The following MCM9 variants were observed in gnomAD, a reference collection of about 807,000 sequenced individuals.
MCM9 encodes DNA helicase MCM9.
Under a neutral mutation model 72.8 loss-of-function variants are expected in MCM9, and 55 were observed. The ratio of observed to expected loss-of-function variants is 0.76; its 90% CI spans 0.61 to 0.95. The LOEUF (loss-of-function observed/expected upper bound fraction) is 0.95. MCM9 is among the 40% of genes least tolerant of loss of function. The pLI is 0.00. For synonymous variants in MCM9, 480 were observed against 503.4 expected (o/e 0.95, Z 0.62); for missense variants, 1,279 against 1,377.0 (o/e 0.93, Z 1.13).
chr6:118,873,785 A>G (rs1777765685), intron 8 of MCM9, among the ~76,000 whole-genome samples: 1 of 152,234 alleles, frequency 6.6e-6, no homozygotes, highest in African/African-American at 2.4e-5. Context: ...TATGAGGCCA[A>G]CATTACCTTA....
intron 5 of MCM9, 157 bp from the exon 6 acceptor site, chr6:118,917,918 C>G: frequency 1.6e-6 from 1 of 620,952 alleles, no homozygotes; most frequent in Non-Finnish European, 2.8e-6. Flanking sequence ...CAGAATAGCA[C>G]CCCAGATTCT....
rs144118241 is a variant in MCM9, at chr6:118,817,600, C to T, written c.1962-1306G>A. 5.4e-3 allele frequency among the ~76,000 whole-genome samples: 818 copies of T among 152,248 alleles called. 8 individuals carry two copies. Among genetic ancestry groups the T allele is most frequent in the African/African-American group, 0.019 (784 of 41,556 alleles). ...TGTAAATAGAGCTGCAATAAACATA[C>T]GTGTGCATGTGTCTTTACAGTAGAA... is the stretch of plus-strand genomic sequence containing the variant. On this transcript the variant is annotated intron_variant, in intron 13 of 13. Transcript: ENST00000619706.
intron 8 of MCM9, chr6:118,894,197 A>G (rs1033374855): frequency 2.9e-6 from 4 of 1,370,846 alleles, no homozygotes; most frequent in Non-Finnish European, 3.8e-6. Context: ...TACTTATCAG[A>G]GCAGAATGGG....
chr6:118,837,713 T>C (rs1316174773), intron 9 of MCM9, among the ~76,000 whole-genome samples: 1 of 152,206 alleles, frequency 6.6e-6, no homozygotes, highest in East Asian at 1.9e-4. Flanking sequence ...ATTTGCTTGG[T>C]AAATATTTCT....
At chr6:118,885,827 T>G (rs914212072) in intron 8 of MCM9, among the ~76,000 whole-genome samples, 2 of 152,166 alleles carry the variant, frequency 1.3e-5, no homozygotes, top group Non-Finnish European at 2.9e-5. Context: ...TAGGCAGTAT[T>G]GCCCACAGAC....
intron 9 of MCM9, among the ~76,000 whole-genome samples, chr6:118,831,776 T>C (rs2114568631): frequency 6.6e-6 from 1 of 152,292 alleles, no homozygotes; most frequent in African/African-American, 2.4e-5. Context: ...ATATGAACTC[T>C]ACCTTCAACA....
intron 8 of MCM9, among the ~76,000 whole-genome samples, chr6:118,893,172 G>C (rs1483073500): frequency 6.6e-6 from 1 of 152,170 alleles, no homozygotes; most frequent in Admixed American, 6.5e-5. Context: ...CGCAATGGTA[G>C]CCAAGCAGCA....
rs547009448 is a variant in MCM9 at position 118,829,108 on chromosome 6, G to C, written c.1468C>G (p.Leu490Val). The C allele has an allele frequency of 7.8e-5, 121 of 1,550,614 alleles. No individual in the cohort carries two copies. The African/African-American group carries it at 1.6e-3, about 20-fold the overall frequency. The change falls in exon 10 of 14, where the codon CTT becomes GTT. Residue 490 changes from leucine (L) to valine (V), a missense_variant. Leu to Val is a conservative substitution (Grantham distance 32). Transcript: ENST00000619706. ...TCCCAGTCTTCATTCTTGGTATCAA[G>C]CAAAACCAGGATCAGGTCAAATCGA... The part of the protein sequence containing the change: ...LSRFDLILVL[L>V]DTKNEDWDRI...
intron 8 of MCM9, among the ~76,000 whole-genome samples, chr6:118,891,615 G>A (rs1778947865): frequency 6.6e-6 from 1 of 152,116 alleles, no homozygotes; most frequent in African/African-American, 2.4e-5. Context: ...GAGGACGCCA[G>A]CTAGATTAGA....
At position 118,815,171 on chromosome 6, in the gene MCM9, C is replaced by G; in HGVS notation, c.3085G>C (p.Ala1029Pro). ...TTGTCTCCCTCACAAGTAAGATGAGCACACCCAGTCTCGTTCCCAAGCTCT... is the reference window on the plus strand; with the variant it reads ...TTGTCTCCCTCACAAGTAAGATGAGGACACCCAGTCTCGTTCCCAAGCTCT... The part of the protein sequence containing the change: ...ELELGNETGC[A>P]HLTCEGDKKE... Residue 1029 changes from alanine to proline, a missense_variant, in exon 14 of 14, where the codon GCT becomes CCT. By Grantham distance (27) the Ala-to-Pro change is conservative (BLOSUM62 -1). Transcript: ENST00000619706. 1.9e-6 allele frequency: 3 copies of G among 1,550,568 alleles called. No individual in the cohort carries two copies. The highest frequency in any genetic ancestry group is 2.6e-6 in the Non-Finnish European group (3 of 1,146,980).
chr6:118,864,272 C>A (rs1777083797), intron 8 of MCM9, among the ~76,000 whole-genome samples: 1 of 152,104 alleles, frequency 6.6e-6, no homozygotes, highest in Admixed American at 6.6e-5. Flanking sequence ...TGCGTCCTCA[C>A]AGCTTAGCTT....
rs376527870 is a variant in MCM9 at position 118,840,740 on chromosome 6, C to T, written c.1326-11490G>A. On this transcript the variant is annotated intron_variant, in intron 9 of 13. Coordinates refer to ENST00000619706, the MANE Select transcript of MCM9 (RefSeq NM_017696.3). ...GTACATATATTCTCTCCTCCCCCCC[C>T]CCTTTTTTTTTTTTTGAGACAGGGT... Among the ~76,000 whole-genome samples the T allele has an allele frequency of 8.5e-3, 922 of 108,170 alleles. 13 individuals are homozygous for T. Among genetic ancestry groups the T allele is most frequent in the Non-Finnish European group, 0.011 (611 of 54,986 alleles). 71.0% of individuals were successfully genotyped at this position (108,170 alleles called of 152,430 possible). A position where few individuals can be genotyped will look rare whatever the true frequency, so the allele number is the denominator to read the frequency against.
chr6:118,844,854 A>G (rs1775748008), intron 9 of MCM9, among the ~76,000 whole-genome samples: 1 of 151,768 alleles, frequency 6.6e-6, no homozygotes, highest in African/African-American at 2.4e-5. Context: ...TTGTTTTATC[A>G]CCTGTTCTTT....
At chr6:118,922,128 C>T (rs1781483447) in intron 4 of MCM9, 42 bp from the exon 5 acceptor site, 1 of 1,440,876 alleles carries the variant, frequency 6.9e-7, no homozygotes, top group Admixed American at 1.9e-5. Flanking sequence ...TGCTTAAATA[C>T]ATGTTAAGTA....
intron 8 of MCM9, among the ~76,000 whole-genome samples, chr6:118,856,811 G>A (rs1275719008): frequency 1.3e-5 from 2 of 152,006 alleles, no homozygotes; most frequent in Non-Finnish European, 2.9e-5. Context: ...AGCCCAGGAG[G>A]TCAAGGCTGT....
chr6:118,911,024 CA>C, intron 8 of MCM9: 1 of 984,682 alleles, frequency 1.0e-6, no homozygotes, highest in Non-Finnish European at 1.2e-6. Flanking sequence ...TGTAAAAATA[CA>C]AAATAGCATC....
Position 118,923,820 on chromosome 6 carries a change from A to C in MCM9, c.612T>G (p.Ile204Met), listed in dbSNP as rs1343076280. ...TRCRDYQEIK[I>M]QEQVQRLSVG... ...TTATGTGATTATTTACCTGTTCCTGAATTTTGATTTCCTGGTAATCTCTAC... is the reference window on the plus strand; with the variant it reads ...TTATGTGATTATTTACCTGTTCCTGCATTTTGATTTCCTGGTAATCTCTAC... The change falls in exon 4 of 14, where the codon ATT becomes ATG. Residue 204 changes from isoleucine to methionine, a missense_variant. Coordinates refer to ENST00000619706, the MANE Select transcript of MCM9 (RefSeq NM_017696.3). 2 of 1,612,300 alleles carry C rather than the reference A, an allele frequency of 1.2e-6. No homozygotes were observed. Among genetic ancestry groups the C allele is most frequent in the East Asian group, 2.2e-5 (1 of 44,842 alleles).
At chr6:118,821,975 A>G (rs964308398) in intron 13 of MCM9, among the ~76,000 whole-genome samples, 13 of 152,164 alleles carry the variant, frequency 8.5e-5, no homozygotes, top group Admixed American at 7.9e-4. Flanking sequence ...CAGCTCCATC[A>G]GGTAATTTAC....
intron 8 of MCM9, among the ~76,000 whole-genome samples, chr6:118,880,620 CTT>C (rs1242486505): frequency 2.6e-5 from 4 of 152,188 alleles, no homozygotes; most frequent in Non-Finnish European, 5.9e-5. Flanking sequence ...AAAGTTGTCT[CTT>C]TGTCTCTGTC....
Sources: gnomAD v4.1 joint callset for allele counts (sites outside exome capture counted in the v4.1 genomes callset) on GRCh38, gnomAD v4.1.1 for gene constraint, MANE v1.5 for transcripts, NCBI Gene and HGNC (gene_info 2026-07-23, HGNC 2026-07-21) for gene names.